The following NRP1 variants were observed in gnomAD, a reference collection of about 807,000 sequenced individuals.
NRP1 encodes neuropilin 1.
NRP1 carries 35 observed loss-of-function variants against 106.7 expected under a neutral mutation model. That is an observed-to-expected ratio of 0.33 (90% CI 0.25 to 0.43). The LOEUF (loss-of-function observed/expected upper bound fraction) is 0.43, where lower values mean the gene tolerates loss of function less well. Ranked by LOEUF, NRP1 falls within the 20% of genes least tolerant of loss-of-function variation. NRP1 has a pLI of 1.00. For synonymous variants in NRP1, 437 were observed against 417.9 expected (o/e 1.05, Z -0.56); for missense variants, 1,024 against 1,170.4 (o/e 0.87, Z 1.83).
At chr10:33,263,914 C>G (rs1238055755) in intron 3 of NRP1, 41 bp from the exon 4 acceptor site, 1 of 1,253,978 alleles carries the variant, frequency 8.0e-7, no homozygotes, top group Non-Finnish European at 1.2e-6. Flanking sequence ...GAAAATCCCA[C>G]TTAAACAACT....
At chr10:33,237,501 A>G (rs1840662635) in intron 6 of NRP1, among the ~76,000 whole-genome samples, 1 of 150,936 alleles carries the variant, frequency 6.6e-6, no homozygotes, top group Non-Finnish European at 1.5e-5. Context: ...ACACACACAC[A>G]CACACACACA....
intron 6 of NRP1, among the ~76,000 whole-genome samples, chr10:33,240,430 T>C (rs1840924383): frequency 6.6e-6 from 1 of 152,198 alleles, no homozygotes; most frequent in Admixed American, 6.5e-5. Flanking sequence ...CACAAACAAA[T>C]GCGTTGCTGA....
chr10:33,207,869 A>G (rs1395014135), intron 9 of NRP1, among the ~76,000 whole-genome samples, 153 bp from the exon 10 acceptor site: 1 of 152,206 alleles, frequency 6.6e-6, no homozygotes, highest in Admixed American at 6.5e-5. Flanking sequence ...TAAACGAGAA[A>G]GGAAAAAAAC....
intron 4 of NRP1, among the ~76,000 whole-genome samples, chr10:33,259,706 C>T (rs925225259): frequency 4.6e-5 from 7 of 152,160 alleles, no homozygotes; most frequent in Admixed American, 2.6e-4. Flanking sequence ...ATGCCTACAA[C>T]GGGCAATGGT....
intron 2 of NRP1, among the ~76,000 whole-genome samples, chr10:33,319,569 TTTC>T (rs1304241800): frequency 9.9e-4 from 141 of 142,504 alleles, no homozygotes; most frequent in African/African-American, 3.7e-3. Flanking sequence ...ATCTTTTTTT[TTTC>T]TTTCTTTCTT....
intron 3 of NRP1, among the ~76,000 whole-genome samples, chr10:33,264,912 C>T (rs1842821868): frequency 6.6e-6 from 1 of 152,094 alleles, no homozygotes; most frequent in Admixed American, 6.5e-5. Flanking sequence ...AGTTCGAGAC[C>T]AGCCTGGCCA....
In NRP1 at chr10:33,192,322, C is replaced by T. The variant is rs926957972; in HGVS notation, c.2021G>A (p.Ser674Asn). ...EHDNHVQLKW[S>N]VLTSKTGPIQ... is the part of the protein sequence containing the mutation. ...GGGTCCCGTCTTGCTGGTCAACACA[C>T]TCCACTTGAGCTGCACGTGATTGTC... Residue 674 changes from serine (S) to asparagine (N), a missense_variant, in exon 13 of 17, where the codon AGT becomes AAT. Around this residue, in one of 5 missense-constraint regions of NRP1, gnomAD observed 562 missense variants for 620.3 expected, o/e 0.91. Transcript: ENST00000374867. 6.2e-7 allele frequency: 1 copy of T among 1,613,860 alleles called. No homozygotes were observed. The highest frequency in any genetic ancestry group is 8.5e-7 in the Non-Finnish European group (1 of 1,179,850).
intron 4 of NRP1, among the ~76,000 whole-genome samples, chr10:33,262,489 G>A (rs1227496501): frequency 1.3e-5 from 2 of 151,918 alleles, no homozygotes; most frequent in Non-Finnish European, 2.9e-5. Flanking sequence ...GATCTCTTGA[G>A]GTCAGGAGTT....
chr10:33,235,797 T>C (rs976566319), intron 6 of NRP1, among the ~76,000 whole-genome samples: 6 of 152,260 alleles, frequency 3.9e-5, no homozygotes, highest in African/African-American at 1.2e-4. Context: ...GAAACTCTTA[T>C]GTAGAGTCAA....
rs369617948 is a variant in NRP1 at position 33,289,967 on chromosome 10, C to A, written c.249-19111G>T. On this transcript the variant is annotated intron_variant, in intron 2 of 16. Transcript: ENST00000374867. The stretch of plus-strand genomic sequence containing the variant: ...ATTCTTATCTATAAATGCTTTTCAC[C>A]CCCACTTTAAATCCAGGGGCTGAGG... Among the ~76,000 whole-genome samples the A allele has an allele frequency of 1.1e-4, 16 of 152,244 alleles. No individual in the cohort carries two copies. The South Asian group carries it at 3.3e-3, about 32-fold the overall frequency.
chr10:33,236,979 C>CTT (rs926074691), intron 6 of NRP1, among the ~76,000 whole-genome samples: 1 of 150,760 alleles, frequency 6.6e-6, no homozygotes, highest in African/African-American at 2.4e-5. Flanking sequence ...TTTTTTTCTT[C>CTT]TTTTTTTTTC....
intron 2 of NRP1, among the ~76,000 whole-genome samples, chr10:33,299,001 T>C (rs1845612335): frequency 6.6e-6 from 1 of 152,310 alleles, no homozygotes; most frequent in East Asian, 1.9e-4. Flanking sequence ...GGTACTTTGC[T>C]GCATAAGCTT....
intron 2 of NRP1, among the ~76,000 whole-genome samples, chr10:33,281,523 C>A (rs1301407630): frequency 6.6e-6 from 1 of 152,148 alleles, no homozygotes; most frequent in Non-Finnish European, 1.5e-5. Context: ...ATCTTTGACA[C>A]CTCACAAAGT....
Position 33,210,670 on chromosome 10 carries a change from G to GATAT in NRP1, c.1614+2712_1614+2715dup, listed in dbSNP as rs563492500. Reference sequence around the variant, plus strand: ...AAAGTCTAGTTAATTCAAAGATTCTGATATAGCTTGCCCATTACCCACTAT... The same window carrying GATAT: ...AAAGTCTAGTTAATTCAAAGATTCTGATATATATAGCTTGCCCATTACCCACTAT... On this transcript the variant is annotated intron_variant, in intron 9 of 16. Transcript: ENST00000374867. Among the ~76,000 whole-genome samples the GATAT allele has an allele frequency of 1.6e-4, 25 of 152,286 alleles. No homozygotes were observed. The East Asian group carries it at 4.8e-3, about 29-fold the overall frequency.
intron 2 of NRP1, among the ~76,000 whole-genome samples, chr10:33,272,267 T>C (rs980895896): frequency 6.6e-6 from 1 of 152,356 alleles, no homozygotes; most frequent in South Asian, 2.1e-4. Context: ...GCTTTGTGTA[T>C]ATCAAGAAGA....
At chr10:33,180,842 T>C (rs1317998138) in intron 16 of NRP1, among the ~76,000 whole-genome samples, 3 of 152,196 alleles carry the variant, frequency 2.0e-5, no homozygotes, top group South Asian at 4.1e-4. Context: ...GGTTTATGCA[T>C]GTGTTTGTTC....
chr10:33,273,181 A>G (rs1305548101), intron 2 of NRP1, among the ~76,000 whole-genome samples: 1 of 152,148 alleles, frequency 6.6e-6, no homozygotes, highest in Non-Finnish European at 1.5e-5. Context: ...AAATTGAATT[A>G]TTCAGGAATA....
intron 9 of NRP1, among the ~76,000 whole-genome samples, chr10:33,209,049 G>T (rs1231810757): frequency 6.6e-6 from 1 of 151,322 alleles, no homozygotes; most frequent in East Asian, 1.9e-4. Flanking sequence ...TGGGATTGCA[G>T]GTGCACACCA....
chr10:33,318,152 C>A (rs1025458396), intron 2 of NRP1, among the ~76,000 whole-genome samples: 18 of 152,242 alleles, frequency 1.2e-4, no homozygotes, highest in Admixed American at 7.2e-4. Flanking sequence ...ACTTTTGTTT[C>A]GGAATTAAAG....
Sources: gnomAD v4.1 joint callset for allele counts (sites outside exome capture counted in the v4.1 genomes callset) on GRCh38, gnomAD v4.1.1 for gene constraint, gnomAD v4.1.1 regional missense constraint, MANE v1.5 for transcripts, NCBI Gene and HGNC (gene_info 2026-07-23, HGNC 2026-07-21) for gene names.